The following TENM2 variants were observed in gnomAD, a reference collection of about 807,000 sequenced individuals.
TENM2 encodes teneurin transmembrane protein 2, also known as teneurin-2.
Under a neutral mutation model 245.2 loss-of-function variants are expected in TENM2, and 52 were observed. The ratio of observed to expected loss-of-function variants is 0.21; its 90% CI spans 0.17 to 0.27. The LOEUF (loss-of-function observed/expected upper bound fraction) is 0.27, where lower values mean the gene tolerates loss of function less well. Ranked by LOEUF, TENM2 falls within the 10% of genes least tolerant of loss-of-function variation. TENM2 has a pLI of 1.00. For missense variants in TENM2, 3,046 were observed against 3,666.8 expected, an observed-to-expected ratio of 0.83 and a Z score of 4.37; for synonymous variants, 1,363 against 1,438.9, an observed-to-expected ratio of 0.95 and a Z score of 1.19.
At chr5:168,078,592 G>C (rs1247489652) in intron 7 of TENM2, among the ~76,000 whole-genome samples, 1 of 152,088 alleles carries the variant, frequency 6.6e-6, no homozygotes, top group Non-Finnish European at 1.5e-5. Context: ...AATCCATTTT[G>C]AATTAATTTT....
intron 2 of TENM2, among the ~76,000 whole-genome samples, chr5:167,601,632 A>T (rs937293500): frequency 3.9e-5 from 6 of 152,216 alleles, no homozygotes; most frequent in African/African-American, 1.4e-4. Context: ...GTGTTCATAG[A>T]TTACAAACTA....
chr5:167,882,613 G>C (rs1302658719), intron 3 of TENM2, among the ~76,000 whole-genome samples: 1 of 152,198 alleles, frequency 6.6e-6, no homozygotes, highest in East Asian at 1.9e-4. Flanking sequence ...TGAAGGGGAA[G>C]AACAGCACCT....
rs1332276590 is a variant in TENM2 at position 167,492,683 on chromosome 5, C to T, written c.502+117210C>T. ...TGCCTGGTGCCATGCAAGAGTAAAACAAAAAGGCATTCAAAAAACCTGGGG... is the reference window on the plus strand; with the variant it reads ...TGCCTGGTGCCATGCAAGAGTAAAATAAAAAGGCATTCAAAAAACCTGGGG... On this transcript the variant is annotated intron_variant, in intron 2 of 28. Transcript: ENST00000518659. 2.0e-5 allele frequency among the ~76,000 whole-genome samples: 3 copies of T among 151,850 alleles called. No homozygotes were observed. In the East Asian group the frequency reaches 5.8e-4, roughly 29 times the overall value.
At chr5:168,260,254 G>A (rs936517647) in intron 27 of TENM2, 29 bp from the exon 30 acceptor site, 2 of 1,612,942 alleles carry the variant, frequency 1.2e-6, no homozygotes, top group South Asian at 1.1e-5. Flanking sequence ...CATGATTTCA[G>A]AAACCTTTAT....
At chr5:167,135,848 G>A in the TENM2 span, among the ~76,000 whole-genome samples, 1 of 152,124 alleles carries the variant, frequency 6.6e-6, no homozygotes, top group Non-Finnish European at 1.5e-5. Context: ...GCATATTCTT[G>A]CAGAACCATA....
intron 2 of TENM2, among the ~76,000 whole-genome samples, chr5:167,487,440 T>C (rs1443667824): frequency 6.6e-6 from 1 of 152,152 alleles, no homozygotes; most frequent in Non-Finnish European, 1.5e-5. Context: ...TGTATGTTTG[T>C]ATTTATGTGT....
chr5:168,183,125 C>T (rs555952180), intron 13 of TENM2, among the ~76,000 whole-genome samples: 19 of 152,280 alleles, frequency 1.2e-4, no homozygotes, highest in Middle Eastern at 3.4e-3. Context: ...CCACCGCCCC[C>T]GGCCCAGGGT....
the TENM2 span, among the ~76,000 whole-genome samples, chr5:167,014,371 G>T: frequency 6.6e-6 from 1 of 152,038 alleles, no homozygotes; most frequent in African/African-American, 2.4e-5. Context: ...GCAAGTACAC[G>T]TTAAATTCTG....
At chr5:167,709,869 G>A (rs1021093282) in intron 2 of TENM2, among the ~76,000 whole-genome samples, 1 of 152,182 alleles carries the variant, frequency 6.6e-6, no homozygotes, top group African/African-American at 2.4e-5. Flanking sequence ...GAGAGAGGGG[G>A]AGAGAGGAAG....
At chr5:168,020,891 G>A (rs1299351673) in intron 5 of TENM2, among the ~76,000 whole-genome samples, 2 of 152,152 alleles carry the variant, frequency 1.3e-5, no homozygotes, top group African/African-American at 4.8e-5. Context: ...CCGTTCATCT[G>A]CTGTGCTGGA....
At chr5:168,090,230 A>G (rs891077369) in intron 7 of TENM2, among the ~76,000 whole-genome samples, 7 of 146,880 alleles carry the variant, frequency 4.8e-5, no homozygotes, top group Non-Finnish European at 7.5e-5. Context: ...ACACACACAC[A>G]CACACACACA....
chr5:168,192,338 T>C (rs1004565098), intron 14 of TENM2, among the ~76,000 whole-genome samples: 4 of 152,182 alleles, frequency 2.6e-5, no homozygotes, highest in Non-Finnish European at 5.9e-5. Flanking sequence ...CTACTATGAC[T>C]CTAAGACTAG....
At chr5:167,761,183 AC>A (rs534764237) in intron 2 of TENM2, among the ~76,000 whole-genome samples, 161 of 152,148 alleles carry the variant, frequency 1.1e-3, no homozygotes, top group Non-Finnish European at 1.9e-3. Flanking sequence ...CACCATCTTC[AC>A]TGTCAGTTTC....
intron 24 of TENM2, among the ~76,000 whole-genome samples, chr5:168,227,265 A>G (rs1476748426): frequency 6.6e-6 from 1 of 152,230 alleles, no homozygotes; most frequent in African/African-American, 2.4e-5. Flanking sequence ...AGATAAACAC[A>G]TTATCAGCAC....
chr5:167,134,368 G>A, the TENM2 span, among the ~76,000 whole-genome samples: 1 of 152,156 alleles, frequency 6.6e-6, no homozygotes, highest in Non-Finnish European at 1.5e-5. Flanking sequence ...TTTTTGGCGT[G>A]TGTGTAAAAT....
chr5:168,218,888 G>A lies in TENM2; in HGVS notation c.4997G>A (p.Gly1666Asp), dbSNP rs772191159. Reference sequence around the variant, plus strand: ...ACCCTCACCGTGGGCACCAATGGAGGCCTCAAAGTCGTGTCCACACAGAAC... The same window carrying A: ...ACCCTCACCGTGGGCACCAATGGAGACCTCAAAGTCGTGTCCACACAGAAC... The change falls in exon 23 of 29, where the codon GGC (glycine) becomes GAC (aspartate). Residue 1666 changes from glycine (G) to aspartate (D), a missense_variant. Gly to Asp is a moderately conservative substitution (Grantham distance 94). Transcript: ENST00000518659. The surrounding 1 kb of genome is among the most constrained non-coding windows in gnomAD (Gnocchi z 5.2). 5 of 1,613,840 alleles carry A rather than the reference G, an allele frequency of 3.1e-6. No homozygotes were observed. The African/African-American group carries it at 6.7e-5, about 22-fold the overall frequency.
intron 12 of TENM2, among the ~76,000 whole-genome samples, chr5:168,136,551 G>A (rs989162453): frequency 2.6e-5 from 4 of 152,168 alleles, no homozygotes; most frequent in Non-Finnish European, 4.4e-5. Context: ...CAGTAAAGGA[G>A]AGAACACCAC....
At chr5:167,725,812 T>G (rs1759962262) in intron 2 of TENM2, among the ~76,000 whole-genome samples, 1 of 152,136 alleles carries the variant, frequency 6.6e-6, no homozygotes, top group Non-Finnish European at 1.5e-5. Flanking sequence ...GAAGCCTTAC[T>G]CTCTCGCTTT....
intron 9 of TENM2, 56 bp from the exon 12 acceptor site, chr5:168,118,236 T>C (rs1795222420): frequency 1.4e-6 from 2 of 1,401,804 alleles, no homozygotes; most frequent in Non-Finnish European, 1.9e-6. Context: ...TAGACTGCCA[T>C]AGCCCCTCGG....
Sources: gnomAD v4.1 joint callset for allele counts (sites outside exome capture counted in the v4.1 genomes callset) on GRCh38, gnomAD v4.1.1 for gene constraint, Gnocchi (gnomAD v3.1) non-coding constraint, MANE v1.5 for transcripts, NCBI Gene and HGNC (gene_info 2026-07-23, HGNC 2026-07-21) for gene names.